The following TBC1D16 variants were observed in gnomAD, a reference collection of about 807,000 sequenced individuals.
TBC1D16 encodes the protein TBC1 domain family member 16, also known as CTD-2529O21.1.
In TBC1D16, 58 loss-of-function variants were observed where a neutral mutation model predicts 74.7. The ratio of observed to expected loss-of-function variants is 0.78; its 90% CI spans 0.63 to 0.97. The LOEUF (loss-of-function observed/expected upper bound fraction) is 0.97, where lower values mean the gene tolerates loss of function less well. Among genes scored for constraint, TBC1D16 ranks in the 50% least tolerant of loss-of-function variants. The probability of loss-of-function intolerance (pLI) is 0.00; values close to 1 mark genes in which losing one functional copy is unlikely to be tolerated. For missense variants in TBC1D16, 1,014 were observed against 1,079.5 expected (o/e 0.94, Z 0.85); for synonymous variants, 493 against 474.7 (o/e 1.04, Z -0.50).
chr17:79,990,410 C>G lies in TBC1D16; in HGVS notation c.779+19750G>C, dbSNP rs1423050843. The stretch of plus-strand genomic sequence containing the variant: ...GGTGAGCCTGGGCAGCCACCTCCCA[C>G]GTGATTTCCCAATGCTTGAAGTTCA... On this transcript the variant is annotated intron_variant, in intron 3 of 11. Coordinates refer to ENST00000310924, the MANE Select transcript of TBC1D16 (RefSeq NM_019020.4). The surrounding 1 kb of genome is among the most constrained non-coding windows in gnomAD (Gnocchi z 4.8). 6.6e-6 allele frequency among the ~76,000 whole-genome samples: 1 copy of G among 152,232 alleles called. No individual in the cohort carries two copies. Among genetic ancestry groups the G allele is most frequent in the African/African-American group, 2.4e-5 (1 of 41,464 alleles).
chr17:79,967,814 C>T (rs906050415), intron 3 of TBC1D16, among the ~76,000 whole-genome samples: 3 of 152,284 alleles, frequency 2.0e-5, no homozygotes, highest in Non-Finnish European at 4.4e-5. Flanking sequence ...TTAGGACTCA[C>T]ACTTCCTAAT....
chr17:79,996,770 C>T (rs1365956231), intron 3 of TBC1D16, among the ~76,000 whole-genome samples: 1 of 152,168 alleles, frequency 6.6e-6, no homozygotes, highest in African/African-American at 2.4e-5. Context: ...AATCAATCCA[C>T]ATATGACTCG....
chr17:79,947,244 C>G (rs2032621604), intron 9 of TBC1D16, among the ~76,000 whole-genome samples: 1 of 152,190 alleles, frequency 6.6e-6, no homozygotes. Flanking sequence ...CTCTTCCTGT[C>G]TGCACTCAGA....
chr17:80,003,539 A>G (rs905186583), intron 3 of TBC1D16, among the ~76,000 whole-genome samples: 1 of 152,182 alleles, frequency 6.6e-6, no homozygotes, highest in Non-Finnish European at 1.5e-5. Flanking sequence ...GGAGATGCTT[A>G]GCGTCCCCAA....
At chr17:79,967,698 T>C (rs1309359956) in intron 3 of TBC1D16, among the ~76,000 whole-genome samples, 2 of 152,334 alleles carry the variant, frequency 1.3e-5, no homozygotes, top group African/African-American at 4.8e-5. Context: ...TTCAACACAG[T>C]TCCTATCAAA....
chr17:79,942,332 C>T lies in TBC1D16; in HGVS notation c.1909-126G>A. On this transcript the variant is annotated intron_variant, in intron 10 of 11. Coordinates refer to ENST00000310924, the MANE Select transcript of TBC1D16 (RefSeq NM_019020.4). Reference sequence around the variant, plus strand: ...CGAGGGGTCTGGGCTCACAGCCCAGCTCGGGGGCCGTGTGGCCCTGGGCAA... The same window carrying T: ...CGAGGGGTCTGGGCTCACAGCCCAGTTCGGGGGCCGTGTGGCCCTGGGCAA... 2.8e-6 allele frequency: 3 copies of T among 1,085,732 alleles called. 1 individual carries two copies. The African/African-American group carries it at 4.8e-5, about 17-fold the overall frequency. 67.3% of individuals were successfully genotyped at this position (1,085,732 alleles called of 1,614,324 possible). A position where few individuals can be genotyped will look rare whatever the true frequency, so the allele number is the denominator to read the frequency against.
In TBC1D16 at chr17:79,990,940, C is replaced by T. The variant is rs189209161; in HGVS notation, c.779+19220G>A. Among the ~76,000 whole-genome samples, 42 of 152,304 alleles carry T rather than the reference C, an allele frequency of 2.8e-4. No individual in the cohort carries two copies. Among genetic ancestry groups the T allele is most frequent in the African/African-American group, 8.9e-4 (37 of 41,544 alleles). ...ATTGCCTTCCCAAGGCTGAACGTTC[C>T]GCTGGGTGTGTGTGGAACATGTGTG... On this transcript the variant is annotated intron_variant, in intron 3 of 11. Coordinates refer to ENST00000310924, the MANE Select transcript of TBC1D16 (RefSeq NM_019020.4). The surrounding 1 kb of genome is among the most constrained non-coding windows in gnomAD (Gnocchi z 4.8).
Position 79,981,722 on chromosome 17 carries a change from C to T in TBC1D16, c.779+28438G>A, listed in dbSNP as rs575905521. Among the ~76,000 whole-genome samples the T allele has an allele frequency of 5.3e-4, 80 of 152,342 alleles. 1 individual carries two copies. The highest frequency in any genetic ancestry group is 1.8e-3 in the African/African-American group (75 of 41,586). The stretch of plus-strand genomic sequence containing the variant: ...GGCAAGGGACGCGCCACCCTCGGAG[C>T]GGCTCCCTCGGCTCTTCTGTAATCT... On this transcript the variant is annotated intron_variant, in intron 3 of 11. Transcript: ENST00000310924. This position sits in a 1 kb window ranked among gnomAD's most constrained non-coding sequence, Gnocchi z 6.9.
intron 3 of TBC1D16, among the ~76,000 whole-genome samples, chr17:79,999,217 C>A (rs1187901044): frequency 6.6e-6 from 1 of 151,636 alleles, no homozygotes; most frequent in South Asian, 2.1e-4. Flanking sequence ...GATCACACCA[C>A]TGCACTCCAG....
At chr17:80,024,564 G>GCACACACACCAC (rs1598443292) in intron 1 of TBC1D16, among the ~76,000 whole-genome samples, 3 of 130,232 alleles carry the variant, frequency 2.3e-5, no homozygotes, top group African/African-American at 3.0e-5. Flanking sequence ...CACCACACAC[G>GCACACACACCAC]ACACACCATA....
intron 1 of TBC1D16, among the ~76,000 whole-genome samples, chr17:80,014,194 CA>C (rs535119865): frequency 1.9e-3 from 285 of 151,888 alleles, no homozygotes; most frequent in African/African-American, 6.4e-3. Flanking sequence ...TCATCTCTAC[CA>C]AAAATACAAA....
At chr17:80,033,513 T>C (rs762351182) in intron 1 of TBC1D16, among the ~76,000 whole-genome samples, 9 of 151,980 alleles carry the variant, frequency 5.9e-5, no homozygotes, top group Non-Finnish European at 1.3e-4. Context: ...GCTGGGACCA[T>C]AGGTGCCCAC....
Position 80,020,800 on chromosome 17 carries a change from G to A in TBC1D16, c.-62-7191C>T, listed in dbSNP as rs529208824. 1.3e-5 allele frequency among the ~76,000 whole-genome samples: 2 copies of A among 149,990 alleles called. 1 individual carries two copies. The highest frequency in any genetic ancestry group is 5.1e-5 in the African/African-American group (2 of 39,408). On this transcript the variant is annotated intron_variant, in intron 1 of 11. Transcript: ENST00000310924. The stretch of plus-strand genomic sequence containing the variant: ...TGGACCCCAACTCGTATTGCCCAGT[G>A]GGTTCCCCGAAATGTAAGAGTGCTG...
At chr17:80,023,679 C>T (rs546156201) in intron 1 of TBC1D16, among the ~76,000 whole-genome samples, 2 of 145,736 alleles carry the variant, frequency 1.4e-5, no homozygotes, top group Non-Finnish European at 3.0e-5. Flanking sequence ...CGGCTCAGGG[C>T]GTGGCTGGGG....
At position 79,954,960 on chromosome 17, in the gene TBC1D16, G is replaced by A. The variant is rs1453552206; in HGVS notation, c.780-2142C>T. Among the ~76,000 whole-genome samples the A allele has an allele frequency of 3.9e-5, 6 of 152,094 alleles. No individual in the cohort carries two copies. The highest frequency in any genetic ancestry group is 1.4e-4 in the African/African-American group (6 of 41,414). ...AGACTCGCTTTGGCAGTCACGGATGGAGGGCCCCCTCCCTGCTGCCGTGGC... is the reference window on the plus strand; with the variant it reads ...AGACTCGCTTTGGCAGTCACGGATGAAGGGCCCCCTCCCTGCTGCCGTGGC... On this transcript the variant is annotated intron_variant, in intron 3 of 11. Coordinates refer to ENST00000310924, the MANE Select transcript of TBC1D16 (RefSeq NM_019020.4). The surrounding 1 kb of genome is among the most constrained non-coding windows in gnomAD (Gnocchi z 5.5).
intron 1 of TBC1D16, among the ~76,000 whole-genome samples, chr17:80,014,907 G>C (rs1285170306): frequency 6.6e-6 from 1 of 152,166 alleles, no homozygotes; most frequent in Non-Finnish European, 1.5e-5. Context: ...AAGACGACCT[G>C]GGACGTATGA....
At position 80,009,699 on chromosome 17, in the gene TBC1D16, G is replaced by A. The variant is rs989351336; in HGVS notation, c.779+461C>T. 3.9e-5 allele frequency among the ~76,000 whole-genome samples: 6 copies of A among 152,202 alleles called. No individual in the cohort carries two copies. Among genetic ancestry groups the A allele is most frequent in the African/African-American group, 9.6e-5 (4 of 41,460 alleles). ...GCCCAGTGGGCTGCAGGGCAGAGCG[G>A]GGAGCTGGAGACCAGCACATCTGGG... On this transcript the variant is annotated intron_variant, in intron 3 of 11. Transcript: ENST00000310924. The surrounding 1 kb of genome is among the most constrained non-coding windows in gnomAD (Gnocchi z 5.4).
In TBC1D16 at chr17:79,939,760, C is replaced by A. The variant is rs2031835056; in HGVS notation, c.*1099G>T. On this transcript the variant is annotated 3_prime_UTR_variant, in exon 12 of 12. Transcript: ENST00000310924. ...CATTCCCACATAGAAGGCAGAGAGC[C>A]CTGAGTGCTGGCTCCTTCACTGTGG... 6.6e-6 allele frequency: 1 copy of A among 152,148 alleles called. No homozygotes were observed. Among genetic ancestry groups the A allele is most frequent in the Non-Finnish European group, 1.5e-5 (1 of 68,028 alleles). 9.4% of individuals were successfully genotyped at this position (152,148 alleles called of 1,614,324 possible). A position where few individuals can be genotyped will look rare whatever the true frequency, so the allele number is the denominator to read the frequency against.
rs774798937 is a variant in TBC1D16, at chr17:79,933,614, G to A, written c.*7245C>T. 1.2e-4 allele frequency: 18 copies of A among 152,260 alleles called. No homozygotes were observed. The highest frequency in any genetic ancestry group is 1.8e-4 in the Non-Finnish European group (12 of 68,088). The allele number at this position is 152,260 out of a possible 1,614,324, so 9.4% of individuals were successfully genotyped here. On this transcript the variant is annotated 3_prime_UTR_variant, in exon 12 of 12. Transcript: ENST00000310924. ...AAAATAAGGTAAGGGACACGTGCTC[G>A]CCTGAGTCTCTGGAGTAAGAGTCAC...
Sources: gnomAD v4.1 joint callset for allele counts (sites outside exome capture counted in the v4.1 genomes callset) on GRCh38, gnomAD v4.1.1 for gene constraint, Gnocchi (gnomAD v3.1) non-coding constraint, MANE v1.5 for transcripts, NCBI Gene and HGNC (gene_info 2026-07-23, HGNC 2026-07-21) for gene names.